Variants in TENM4 observed in about 807,000 individuals in gnomAD.
TENM4 encodes teneurin transmembrane protein 4.
TENM4 carries 82 observed loss-of-function variants against 243.3 expected under a neutral mutation model. The observed-to-expected ratio is 0.34, with a 90% CI of 0.28 to 0.40. TENM4 has a LOEUF of 0.40. Ranked by LOEUF, TENM4 falls within the 10% of genes least tolerant of loss-of-function variation. The pLI, the probability that TENM4 is intolerant of heterozygous loss-of-function variation, is 1.00. For missense variants in TENM4, 3,138 were observed against 3,673.3 expected (o/e 0.85, Z 3.77); for synonymous variants, 1,412 against 1,456.3 (o/e 0.97, Z 0.69).
chr11:78,769,725 T>C (rs1370769957), intron 18 of TENM4, among the ~76,000 whole-genome samples: 2 of 152,174 alleles, frequency 1.3e-5, no homozygotes, highest in African/African-American at 4.8e-5. Context: ...TGACAATTGC[T>C]CCACTGGGCC....
intron 20 of TENM4, among the ~76,000 whole-genome samples, chr11:78,735,520 C>A (rs528999961): frequency 6.6e-6 from 1 of 152,308 alleles, no homozygotes; most frequent in East Asian, 1.9e-4. Context: ...AAGCAGGGGG[C>A]AGCTGGCCTT....
At chr11:79,134,583 C>T (rs1202410796) in intron 4 of TENM4, among the ~76,000 whole-genome samples, 1 of 152,120 alleles carries the variant, frequency 6.6e-6, no homozygotes, top group Non-Finnish European at 1.5e-5. Context: ...ATCACACTGC[C>T]TGATTTCAAA....
rs2135834801 is a variant in TENM4 at position 78,720,372 on chromosome 11, A to G, written c.3819T>C (p.His1273=). 1 of 1,613,940 alleles carries G rather than the reference A, an allele frequency of 6.2e-7. No homozygotes were observed. Among genetic ancestry groups the G allele is most frequent in the South Asian group, 1.1e-5 (1 of 91,076 alleles). The part of the protein sequence containing the change: ...ILELRNKDFR[H]SHSPAHKYYL... ...AAATTCTCCACTGGTTGGCTTACCT[A>G]TGTCTGAAATCTTTATTTCTGACAG... The change falls in exon 25 of 34, where the codon CAT becomes CAC. Residue 1273 remains histidine, a splice_region_variant and synonymous_variant. Coordinates refer to ENST00000278550, the MANE Select transcript of TENM4 (RefSeq NM_001098816.3).
chr11:78,666,127 A>G (rs1858154175), intron 32 of TENM4, among the ~76,000 whole-genome samples: 1 of 152,192 alleles, frequency 6.6e-6, no homozygotes, highest in Non-Finnish European at 1.5e-5. Flanking sequence ...GGTAAGGTTT[A>G]GTGAGAAGTA....
chr11:79,065,136 C>G (rs1213311583), intron 5 of TENM4, 129 bp from the exon 6 acceptor site: 2 of 1,371,666 alleles, frequency 1.5e-6, no homozygotes, highest in African/African-American at 2.9e-5. Context: ...CATTCTATGC[C>G]CATGCCTTTG....
intron 1 of TENM4, among the ~76,000 whole-genome samples, chr11:79,321,834 G>T (rs915285445): frequency 2.6e-5 from 4 of 152,078 alleles, no homozygotes; most frequent in Non-Finnish European, 5.9e-5. Context: ...GAAGGGCTAC[G>T]TATAGATCTC....
At chr11:79,160,366 G>T (rs1351438763) in intron 3 of TENM4, among the ~76,000 whole-genome samples, 1 of 152,156 alleles carries the variant, frequency 6.6e-6, no homozygotes, top group Non-Finnish European at 1.5e-5. Context: ...GAAGGCAACC[G>T]TGCAGAATGG....
chr11:79,077,956 A>G (rs1195931066), intron 4 of TENM4, among the ~76,000 whole-genome samples: 1 of 152,104 alleles, frequency 6.6e-6, no homozygotes, highest in East Asian at 1.9e-4. Flanking sequence ...GCCCGGGAGA[A>G]GGGGAGATAT....
chr11:79,169,409 C>T (rs533464823), intron 3 of TENM4, among the ~76,000 whole-genome samples: 22 of 152,196 alleles, frequency 1.4e-4, no homozygotes, highest in African/African-American at 4.6e-4. Context: ...GGGGAGGCTA[C>T]GCAACCTGTC....
At chr11:78,870,505 G>A (rs538404794) in intron 9 of TENM4, among the ~76,000 whole-genome samples, 4 of 152,322 alleles carry the variant, frequency 2.6e-5, no homozygotes, top group African/African-American at 7.2e-5. Flanking sequence ...TGATGACTAC[G>A]TGGGGGTAAT....
At chr11:79,439,713 T>C (rs116424981) in intron 1 of TENM4, among the ~76,000 whole-genome samples, 1 of 151,430 alleles carries the variant, frequency 6.6e-6, no homozygotes, top group African/African-American at 2.4e-5. Context: ...TACCTTCCAG[T>C]CTGCTCCTCC....
intron 3 of TENM4, among the ~76,000 whole-genome samples, chr11:79,183,025 T>A (rs1863313727): frequency 6.6e-6 from 1 of 152,166 alleles, no homozygotes; most frequent in Admixed American, 6.5e-5. Context: ...AAACACATTC[T>A]TATTGTATGA....
intron 9 of TENM4, among the ~76,000 whole-genome samples, chr11:78,864,775 GC>G (rs949932206): frequency 6.6e-6 from 1 of 152,166 alleles, no homozygotes; most frequent in African/African-American, 2.4e-5. Context: ...TCACTCCTTT[GC>G]TTGGTGAACA....
At chr11:79,066,677 C>G (rs937667951) in intron 5 of TENM4, among the ~76,000 whole-genome samples, 1 of 151,344 alleles carries the variant, frequency 6.6e-6, no homozygotes, top group Non-Finnish European at 1.5e-5. Context: ...CATGCACACA[C>G]ACGCACGCAT....
At chr11:78,822,545 C>T (rs549302688) in intron 12 of TENM4, among the ~76,000 whole-genome samples, 57 of 152,002 alleles carry the variant, frequency 3.7e-4, no homozygotes, top group Non-Finnish European at 6.3e-4. Context: ...GATACAGGAA[C>T]GTGAACAACA....
chr11:78,723,691 C>G (rs753354575), intron 23 of TENM4, among the ~76,000 whole-genome samples: 20 of 152,328 alleles, frequency 1.3e-4, no homozygotes, highest in Non-Finnish European at 2.5e-4. Flanking sequence ...CTTCCTTTTT[C>G]CTCATGCACA....
intron 17 of TENM4, among the ~76,000 whole-genome samples, chr11:78,772,092 G>A (rs1314156238): frequency 6.6e-6 from 1 of 152,208 alleles, no homozygotes; most frequent in African/African-American, 2.4e-5. Context: ...CCATCTGAGA[G>A]GGCTGTAGAT....
chr11:79,049,784 C>G (rs1001491295), intron 6 of TENM4, among the ~76,000 whole-genome samples: 8 of 152,222 alleles, frequency 5.3e-5, no homozygotes, highest in South Asian at 2.1e-4. Context: ...GGCCCTGAGT[C>G]TTGAGCTTCC....
intron 1 of TENM4, among the ~76,000 whole-genome samples, chr11:79,302,595 C>G (rs984408855): frequency 3.9e-5 from 6 of 152,044 alleles, no homozygotes; most frequent in Middle Eastern, 3.2e-3. Context: ...AGATCAATAC[C>G]TGTATTTATG....
Sources: gnomAD v4.1 joint callset for allele counts (sites outside exome capture counted in the v4.1 genomes callset) on GRCh38, gnomAD v4.1.1 for gene constraint, MANE v1.5 for transcripts, NCBI Gene and HGNC (gene_info 2026-07-23, HGNC 2026-07-21) for gene names.